Variants in KLF8 observed in about 807,000 individuals in gnomAD.
KLF8 encodes the protein KLF transcription factor 8.
Under a neutral mutation model 18.2 loss-of-function variants are expected in KLF8, and 10 were observed. That is an observed-to-expected ratio of 0.55 (90% CI 0.34 to 0.93). The LOEUF is 0.93. Ranked by LOEUF, KLF8 falls within the 40% of genes least tolerant of loss-of-function variation. KLF8 has a pLI of 0.02. For synonymous variants in KLF8, 109 were observed against 97.3 expected, an observed-to-expected ratio of 1.12 and a Z score of -0.71; for missense variants, 264 against 277.9, an observed-to-expected ratio of 0.95 and a Z score of 0.36.
rs1039534525 is a variant in KLF8 at position 56,286,889 on chromosome X, T to C, written c.*2395T>C. On this transcript the variant is annotated 3_prime_UTR_variant, in exon 6 of 6. Coordinates refer to ENST00000468660, the MANE Select transcript of KLF8 (RefSeq NM_007250.5). ...CCTCTAATGTAGCTATAAGACAGGT[T>C]GGTAAAGATGAACTAACATAAGTTT... The C allele has an allele frequency of 9.8e-5, 11 of 112,036 alleles. No individual in the cohort carries two copies. The highest frequency in any genetic ancestry group is 5.7e-4 in the Admixed American group (6 of 10,547). 9.2% of individuals were successfully genotyped at this position (112,036 alleles called of 1,213,427 possible). A position where few individuals can be genotyped will look rare whatever the true frequency, so the allele number is the denominator to read the frequency against.
At chrX:56,275,910 A>G (rs1009265850) in intron 5 of KLF8, among the ~76,000 whole-genome samples, 1 of 112,053 alleles carries the variant, frequency 8.9e-6, no homozygotes, top group Non-Finnish European at 1.9e-5. Flanking sequence ...TTTTGCATCA[A>G]TATTCATCAG....
the KLF8 span, among the ~76,000 whole-genome samples, chrX:56,161,677 T>G: frequency 9.0e-6 from 1 of 111,670 alleles, no homozygotes; most frequent in Admixed American, 9.6e-5. Context: ...GTGTAATTTT[T>G]TTTCAAGGTT....
the KLF8 span, among the ~76,000 whole-genome samples, chrX:56,163,410 T>TTTA: frequency 3.6e-5 from 4 of 112,246 alleles, no homozygotes; most frequent in Non-Finnish European, 7.5e-5. Context: ...AAAGTGCCTT[T>TTTA]TTATGCCCTT....
upstream of KLF8, among the ~76,000 whole-genome samples, chrX:56,231,364 A>C (rs1293498566): frequency 1.8e-5 from 2 of 111,721 alleles, no homozygotes; most frequent in African/African-American, 6.5e-5. Context: ...CCGTTTCCTT[A>C]TTTTTTTAAA....
chrX:56,038,756 G>A, the KLF8 span, among the ~76,000 whole-genome samples: 21 of 112,602 alleles, frequency 1.9e-4, no homozygotes, highest in Admixed American at 6.6e-4. Flanking sequence ...GGGAGAAGTT[G>A]TATTTCTGCC....
intron 3 of KLF8, chrX:56,266,403 A>T (rs1404124652): frequency 4.2e-6 from 3 of 715,135 alleles, no homozygotes. Flanking sequence ...TCACAACTGA[A>T]TTGTAAATTC....
chrX:56,170,997 G>A, the KLF8 span, among the ~76,000 whole-genome samples: 2 of 111,697 alleles, frequency 1.8e-5, no homozygotes, highest in African/African-American at 3.3e-5. Context: ...ACTTTTCAGC[G>A]GAAACCTTAA....
chrX:56,228,663 C>G (rs1045190099), upstream of KLF8, among the ~76,000 whole-genome samples: 3 of 111,809 alleles, frequency 2.7e-5, no homozygotes, highest in African/African-American at 9.8e-5. Context: ...ATATCTTTAT[C>G]CTTTGCTGGC....
the KLF8 span, among the ~76,000 whole-genome samples, chrX:55,942,821 G>C: frequency 8.9e-6 from 1 of 112,243 alleles, no homozygotes; most frequent in Non-Finnish European, 1.9e-5. Context: ...CAGACTGTTG[G>C]AGGAATAGCT....
In KLF8 at chrX:56,274,195, A is replaced by G. The variant is rs150133069; in HGVS notation, c.898+3874A>G. Among the ~76,000 whole-genome samples the G allele has an allele frequency of 1.8e-3, 202 of 111,752 alleles. 4 individuals carry two copies. The East Asian group carries it at 0.052, about 29-fold the overall frequency. On this transcript the variant is annotated intron_variant, in intron 5 of 5. Coordinates refer to ENST00000468660, the MANE Select transcript of KLF8 (RefSeq NM_007250.5). Reference sequence around the variant, plus strand: ...CTCACCAGCATTTGTTATTACCTGTATTTTGGATAAAAGCCATTTTAACTG... The same window carrying G: ...CTCACCAGCATTTGTTATTACCTGTGTTTTGGATAAAAGCCATTTTAACTG...
the KLF8 span, among the ~76,000 whole-genome samples, chrX:55,952,871 T>C: frequency 0.22 from 24,173 of 111,164 alleles, 5,434 homozygotes; most frequent in African/African-American, 0.69. Context: ...ATTAATGCCA[T>C]TATCTCAGTT....
chrX:56,063,702 T>C, the KLF8 span, among the ~76,000 whole-genome samples: 1 of 111,410 alleles, frequency 9.0e-6, no homozygotes, highest in Non-Finnish European at 1.9e-5. Flanking sequence ...GATCCCCTGC[T>C]CTCTTCAGAG....
At chrX:56,061,518 G>T in the KLF8 span, among the ~76,000 whole-genome samples, 1 of 111,685 alleles carries the variant, frequency 9.0e-6, no homozygotes, top group Non-Finnish European at 1.9e-5. Flanking sequence ...ACTGCACTGT[G>T]GTCTGTCAGG....
At chrX:56,279,266 G>A (rs1236032130) in intron 5 of KLF8, among the ~76,000 whole-genome samples, 1 of 110,931 alleles carries the variant, frequency 9.0e-6, no homozygotes, top group African/African-American at 3.3e-5. Flanking sequence ...GGGCATGATT[G>A]GTAGAACATT....
chrX:56,209,706 C>T, the KLF8 span, among the ~76,000 whole-genome samples: 1 of 111,458 alleles, frequency 9.0e-6, no homozygotes, highest in Non-Finnish European at 1.9e-5. Flanking sequence ...TTGTTGTCTT[C>T]TCTACCTTCT....
chrX:56,195,051 C>A, the KLF8 span, among the ~76,000 whole-genome samples: 60 of 112,053 alleles, frequency 5.4e-4, no homozygotes, highest in Admixed American at 4.9e-3. Flanking sequence ...ACAAAAAGGT[C>A]ATCTACATCA....
At chrX:56,077,782 T>C in the KLF8 span, among the ~76,000 whole-genome samples, 1 of 111,782 alleles carries the variant, frequency 8.9e-6, no homozygotes, top group Non-Finnish European at 1.9e-5. Flanking sequence ...GAACATGGAA[T>C]GTTCTTCCAT....
chrX:56,178,952 G>A, the KLF8 span, among the ~76,000 whole-genome samples: 2 of 112,130 alleles, frequency 1.8e-5, no homozygotes, highest in African/African-American at 3.2e-5. Flanking sequence ...GTTGAAGATT[G>A]CCTTGGCAAT....
the KLF8 span, among the ~76,000 whole-genome samples, chrX:56,138,282 T>C: frequency 9.0e-6 from 1 of 111,561 alleles, no homozygotes; most frequent in East Asian, 2.8e-4. Context: ...ATTTCAAAAA[T>C]GGAGAAGGAA....
Sources: gnomAD v4.1 joint callset for allele counts (sites outside exome capture counted in the v4.1 genomes callset) on GRCh38, gnomAD v4.1.1 for gene constraint, MANE v1.5 for transcripts, NCBI Gene and HGNC (gene_info 2026-07-23, HGNC 2026-07-21) for gene names.